Variants in ADAMTSL1 observed in about 807,000 individuals in gnomAD.
The protein encoded by ADAMTSL1 is ADAMTS like 1.
A neutral mutation model predicts 201.8 loss-of-function variants in ADAMTSL1; 126 were observed. The ratio of observed to expected loss-of-function variants is 0.62; its 90% CI spans 0.54 to 0.72. The LOEUF (loss-of-function observed/expected upper bound fraction) is 0.72. Ranked by LOEUF, ADAMTSL1 falls within the 30% of genes least tolerant of loss-of-function variation. The pLI is 0.00. For missense variants in ADAMTSL1, 2,679 were observed against 2,277.8 expected (o/e 1.18, Z -3.59); for synonymous variants, 1,121 against 903.4 (o/e 1.24, Z -4.32).
intron 15 of ADAMTSL1, among the ~76,000 whole-genome samples, chr9:18,737,211 C>A (rs911443449): frequency 6.8e-6 from 1 of 147,592 alleles, no homozygotes; most frequent in Admixed American, 6.9e-5. Flanking sequence ...CCCAGCTACT[C>A]GGGAGGCTGA....
At chr9:18,235,507 C>G (rs968316726) in intron 2 of ADAMTSL1, among the ~76,000 whole-genome samples, 1 of 152,186 alleles carries the variant, frequency 6.6e-6, no homozygotes, top group African/African-American at 2.4e-5. Context: ...TTATATGCTT[C>G]TAGAGCTGCC....
chr9:18,113,113 A>G (rs1825101039), intron 1 of ADAMTSL1, among the ~76,000 whole-genome samples: 1 of 152,230 alleles, frequency 6.6e-6, no homozygotes, highest in East Asian at 1.9e-4. Flanking sequence ...AATACGGGGT[A>G]CTCAGGGAAG....
chr9:17,914,510 T>A (rs1306086374), intron 1 of ADAMTSL1, among the ~76,000 whole-genome samples: 4 of 152,146 alleles, frequency 2.6e-5, no homozygotes, highest in East Asian at 1.9e-4. Context: ...TAGGTGTTGA[T>A]GGGACGTATC....
chr9:18,871,561 T>G (rs1346107956), intron 23 of ADAMTSL1, among the ~76,000 whole-genome samples: 1 of 152,224 alleles, frequency 6.6e-6, no homozygotes. Flanking sequence ...GCTTCCATCT[T>G]TATCATCCTG....
intron 2 of ADAMTSL1, among the ~76,000 whole-genome samples, chr9:18,393,112 G>A (rs1838119900): frequency 6.6e-6 from 1 of 152,112 alleles, no homozygotes; most frequent in African/African-American, 2.4e-5. Context: ...GTTATTAGTG[G>A]ATGCATGAAT....
intron 14 of ADAMTSL1, among the ~76,000 whole-genome samples, chr9:18,714,124 CT>C (rs1832771809): frequency 6.6e-6 from 1 of 152,134 alleles, no homozygotes; most frequent in African/African-American, 2.4e-5. Context: ...ATTTATAGCA[CT>C]AAATGCCCAC....
chr9:18,668,182 C>T (rs1564134001), intron 9 of ADAMTSL1, among the ~76,000 whole-genome samples: 1 of 152,098 alleles, frequency 6.6e-6, no homozygotes, highest in Non-Finnish European at 1.5e-5. Flanking sequence ...ACCTTTTGAT[C>T]AACCTCATTT....
chr9:18,840,156 T>C (rs907907791), intron 23 of ADAMTSL1, among the ~76,000 whole-genome samples: 1 of 150,458 alleles, frequency 6.6e-6, no homozygotes, highest in African/African-American at 2.5e-5. Context: ...TTCTAGGGTT[T>C]TTATGGTTTT....
At chr9:18,412,137 T>C (rs896865147) in intron 2 of ADAMTSL1, among the ~76,000 whole-genome samples, 9 of 152,218 alleles carry the variant, frequency 5.9e-5, no homozygotes, top group African/African-American at 2.2e-4. Flanking sequence ...TAACTTATCC[T>C]TCTAGTCCCC....
At chr9:18,245,902 G>C (rs1325397153) in intron 2 of ADAMTSL1, among the ~76,000 whole-genome samples, 1 of 152,100 alleles carries the variant, frequency 6.6e-6, no homozygotes, top group Non-Finnish European at 1.5e-5. Context: ...AGAAACTAAA[G>C]TATCACCATT....
At chr9:17,996,172 T>A (rs1285907736) in intron 1 of ADAMTSL1, among the ~76,000 whole-genome samples, 1 of 152,094 alleles carries the variant, frequency 6.6e-6, no homozygotes, top group Admixed American at 6.6e-5. Flanking sequence ...TTAATTTTTT[T>A]TTTTTCAAAA....
intron 26 of ADAMTSL1, among the ~76,000 whole-genome samples, chr9:18,903,315 G>C (rs562619167): frequency 6.6e-6 from 1 of 152,314 alleles, no homozygotes; most frequent in East Asian, 1.9e-4. Context: ...ATGAACTTCA[G>C]TTATATACAC....
At chr9:18,601,415 C>CA (rs1433867471) in intron 4 of ADAMTSL1, among the ~76,000 whole-genome samples, 1 of 152,100 alleles carries the variant, frequency 6.6e-6, no homozygotes, top group Non-Finnish European at 1.5e-5. Context: ...ACAGATCTGG[C>CA]AAAAAATAAC....
intron 2 of ADAMTSL1, among the ~76,000 whole-genome samples, chr9:18,264,972 A>G (rs890006056): frequency 3.9e-5 from 6 of 152,208 alleles, no homozygotes; most frequent in African/African-American, 1.4e-4. Flanking sequence ...TGTCTTACAA[A>G]GTTGTTAGAA....
intron 1 of ADAMTSL1, among the ~76,000 whole-genome samples, chr9:17,947,344 C>CAT (rs1827541603): frequency 6.7e-6 from 1 of 148,210 alleles, no homozygotes; most frequent in Non-Finnish European, 1.5e-5. Flanking sequence ...CACACACACA[C>CAT]ACCCCACTAT....
chr9:18,478,725 G>A (rs1229631344), intron 1 of ADAMTSL1, among the ~76,000 whole-genome samples: 2 of 152,092 alleles, frequency 1.3e-5, no homozygotes, highest in East Asian at 1.9e-4. Flanking sequence ...CATAAGGACC[G>A]GAGCCTTTTC....
chr9:18,265,410 T>A (rs1405849617), intron 2 of ADAMTSL1, among the ~76,000 whole-genome samples: 1 of 152,208 alleles, frequency 6.6e-6, no homozygotes, highest in East Asian at 1.9e-4. Flanking sequence ...TCTTGAATAC[T>A]TATTACTAGC....
chr9:18,204,528 G>C (rs1829573593), intron 2 of ADAMTSL1, among the ~76,000 whole-genome samples: 1 of 152,130 alleles, frequency 6.6e-6, no homozygotes, highest in Admixed American at 6.6e-5. Flanking sequence ...CTAATACAGT[G>C]ATAGATATAG....
chr9:18,586,736 T>C (rs1385939676), intron 4 of ADAMTSL1, among the ~76,000 whole-genome samples: 1 of 151,938 alleles, frequency 6.6e-6, no homozygotes, highest in African/African-American at 2.4e-5. Context: ...TGGTACTGGT[T>C]CAAGAACAGA....
Sources: gnomAD v4.1 joint callset for allele counts (sites outside exome capture counted in the v4.1 genomes callset) on GRCh38, gnomAD v4.1.1 for gene constraint, MANE v1.5 for transcripts, NCBI Gene and HGNC (gene_info 2026-07-23, HGNC 2026-07-21) for gene names.